Variants in RIMS1 observed in about 807,000 individuals in gnomAD.
The protein encoded by RIMS1 is regulating synaptic membrane exocytosis protein 1.
In RIMS1, 83 loss-of-function variants were observed where a neutral mutation model predicts 214.1. The ratio of observed to expected loss-of-function variants is 0.39; its 90% confidence interval spans 0.32 to 0.47. The LOEUF is 0.47. Ranked by LOEUF, RIMS1 falls within the 20% of genes least tolerant of loss-of-function variation. The pLI is 0.99. For synonymous variants in RIMS1, 793 were observed against 786.8 expected (o/e 1.01, Z -0.13); for missense variants, 2,050 against 2,161.8 (o/e 0.95, Z 1.03).
At chr6:72,328,530 CTT>C (rs1441588978) in intron 28 of RIMS1, among the ~76,000 whole-genome samples, 4 of 151,718 alleles carry the variant, frequency 2.6e-5, no homozygotes, top group African/African-American at 9.7e-5. Context: ...AAAATTAAAA[CTT>C]ATTTTTAAAA....
chr6:72,065,456 A>C lies in RIMS1; in HGVS notation c.246-31493A>C, dbSNP rs1829049017. ...TAAATGTTAACTTTTTAAAATTATT[A>C]ATGTTGTTAATTTTACTTTTTATAA... On this transcript the variant is annotated intron_variant, in intron 2 of 33. Coordinates refer to ENST00000521978, the MANE Select transcript of RIMS1 (RefSeq NM_014989.7). Among the ~76,000 whole-genome samples, 3 of 152,150 alleles carry C rather than the reference A, an allele frequency of 2.0e-5. No individual in the cohort carries two copies. In the South Asian group the frequency reaches 6.2e-4, roughly 32 times the overall value.
At chr6:72,253,241 A>C (rs1314751678) in intron 16 of RIMS1, among the ~76,000 whole-genome samples, 1 of 152,174 alleles carries the variant, frequency 6.6e-6, no homozygotes, top group Admixed American at 6.5e-5. Context: ...ATATACTGAG[A>C]AAGGTGCATG....
At chr6:72,308,290 T>C (rs1014925559) in intron 27 of RIMS1, among the ~76,000 whole-genome samples, 6 of 152,102 alleles carry the variant, frequency 3.9e-5, no homozygotes, top group Admixed American at 3.3e-4. Context: ...TAAAATAGCA[T>C]AGATTTTTGT....
chr6:71,909,212 G>A (rs1184598701), intron 1 of RIMS1, among the ~76,000 whole-genome samples: 1 of 152,128 alleles, frequency 6.6e-6, no homozygotes, highest in African/African-American at 2.4e-5. Context: ...GGCCAGGCTG[G>A]TCTCAAACTC....
intron 2 of RIMS1, among the ~76,000 whole-genome samples, chr6:72,009,401 C>G (rs1292437185): frequency 1.3e-5 from 2 of 152,092 alleles, no homozygotes; most frequent in African/African-American, 4.8e-5. Flanking sequence ...ACCCTAACAT[C>G]ACAATTAAAA....
chr6:72,173,302 A>AT (rs1263302159), intron 4 of RIMS1, among the ~76,000 whole-genome samples: 1 of 151,704 alleles, frequency 6.6e-6, no homozygotes, highest in Non-Finnish European at 1.5e-5. Context: ...TTTCATAATG[A>AT]TTTTTATCTT....
intron 6 of RIMS1, among the ~76,000 whole-genome samples, chr6:72,183,551 A>C (rs1308159153): frequency 1.4e-5 from 2 of 144,492 alleles, no homozygotes; most frequent in African/African-American, 5.1e-5. Context: ...GTTACGTAAT[A>C]TTACAGTTGC....
chr6:72,226,903 ACTC>A (rs1243147569), intron 6 of RIMS1, among the ~76,000 whole-genome samples: 1 of 151,944 alleles, frequency 6.6e-6, no homozygotes, highest in African/African-American at 2.4e-5. Context: ...CTATTTCTAA[ACTC>A]CTTTACAATT....
At chr6:72,123,231 C>G (rs900216434) in intron 4 of RIMS1, among the ~76,000 whole-genome samples, 3 of 151,660 alleles carry the variant, frequency 2.0e-5, no homozygotes, top group Admixed American at 1.3e-4. Flanking sequence ...CGTTATTTAC[C>G]CAGTAATCAT....
intron 26 of RIMS1, among the ~76,000 whole-genome samples, chr6:72,302,473 T>C (rs1273124978): frequency 6.6e-6 from 1 of 151,688 alleles, no homozygotes; most frequent in African/African-American, 2.4e-5. Context: ...TAAACCTTTT[T>C]CATCTTTTCT....
chr6:72,089,626 C>G (rs1385922289), intron 2 of RIMS1, among the ~76,000 whole-genome samples: 1 of 151,780 alleles, frequency 6.6e-6, no homozygotes, highest in African/African-American at 2.4e-5. Flanking sequence ...ATATTTTTAT[C>G]TAGAACTAGA....
At position 72,000,405 on chromosome 6, in the gene RIMS1, A is replaced by G. The variant is rs1804796044; in HGVS notation, c.245+31342A>G. On this transcript the variant is annotated intron_variant, in intron 2 of 33. Transcript: ENST00000521978. ...TTATAACACTGTTTTTGGAAAATAAATGACTAATAAGTTTATCACCTCTGA... is the reference window on the plus strand; with the variant it reads ...TTATAACACTGTTTTTGGAAAATAAGTGACTAATAAGTTTATCACCTCTGA... Among the ~76,000 whole-genome samples the G allele has an allele frequency of 2.0e-5, 3 of 152,202 alleles. 1 individual carries two copies. Among genetic ancestry groups the G allele is most frequent in the Admixed American group, 2.0e-4 (3 of 15,268 alleles).
intron 4 of RIMS1, among the ~76,000 whole-genome samples, chr6:72,135,771 G>C (rs2041182388): frequency 6.6e-6 from 1 of 152,158 alleles, no homozygotes; most frequent in African/African-American, 2.4e-5. Context: ...GTAGCAGTGG[G>C]TGGTCACTGC....
At chr6:72,310,836 A>T (rs1443085597) in intron 27 of RIMS1, among the ~76,000 whole-genome samples, 1 of 152,152 alleles carries the variant, frequency 6.6e-6, no homozygotes, top group Non-Finnish European at 1.5e-5. Flanking sequence ...TTCTTCAAAT[A>T]ATCAATGTGA....
At chr6:71,943,010 A>G (rs1786653450) in intron 1 of RIMS1, among the ~76,000 whole-genome samples, 1 of 152,104 alleles carries the variant, frequency 6.6e-6, no homozygotes, top group Admixed American at 6.5e-5. Flanking sequence ...AAGTCAAAAT[A>G]TATTATAACT....
intron 4 of RIMS1, among the ~76,000 whole-genome samples, chr6:72,172,690 G>A (rs1166599951): frequency 6.6e-6 from 1 of 152,180 alleles, no homozygotes; most frequent in Non-Finnish European, 1.5e-5. Flanking sequence ...TACTTGATGG[G>A]AAATGTTCTT....
chr6:72,264,845 CTTTT>C, intron 19 of RIMS1, 126 bp from the exon 20 acceptor site: 1 of 566,776 alleles, frequency 1.8e-6, no homozygotes, highest in Non-Finnish European at 3.0e-6. Flanking sequence ...TATTGTGGTT[CTTTT>C]GAGAAAAAAA....
chr6:72,148,298 T>C (rs890315562), intron 4 of RIMS1, among the ~76,000 whole-genome samples: 8 of 152,304 alleles, frequency 5.3e-5, no homozygotes, highest in Non-Finnish European at 8.8e-5. Context: ...AGACTGAAGA[T>C]GTTTGGTTAA....
chr6:72,214,956 C>T (rs560233897), intron 6 of RIMS1, among the ~76,000 whole-genome samples: 198 of 152,124 alleles, frequency 1.3e-3, no homozygotes, highest in African/African-American at 2.1e-3. Context: ...TCCTGACCTC[C>T]GGTGATCCAC....
Sources: gnomAD v4.1 joint callset for allele counts (sites outside exome capture counted in the v4.1 genomes callset) on GRCh38, gnomAD v4.1.1 for gene constraint, MANE v1.5 for transcripts, NCBI Gene and HGNC (gene_info 2026-07-23, HGNC 2026-07-21) for gene names.